Variants in ARFGEF3 observed in about 807,000 individuals in gnomAD.
ARFGEF3 encodes the protein ARFGEF family member 3, also known as brefeldin A-inhibited guanine nucleotide-exchange protein 3.
In ARFGEF3, 96 loss-of-function variants were observed where a neutral mutation model predicts 221.7. The observed-to-expected ratio is 0.43, with a 90% CI of 0.37 to 0.51. ARFGEF3 has a LOEUF of 0.51. Ranked by LOEUF, ARFGEF3 falls within the 20% of genes least tolerant of loss-of-function variation. The pLI is 0.00. For missense variants in ARFGEF3, 2,410 were observed against 2,789.9 expected, an observed-to-expected ratio of 0.86 and a Z score of 3.07; for synonymous variants, 1,145 against 1,126.8, an observed-to-expected ratio of 1.02 and a Z score of -0.32.
intron 4 of ARFGEF3, among the ~76,000 whole-genome samples, chr6:138,223,602 A>G (rs1250171339): frequency 1.3e-5 from 2 of 152,214 alleles, no homozygotes; most frequent in Admixed American, 1.3e-4. Flanking sequence ...CAGTTTAAGA[A>G]AAAGGAAAAA....
intron 22 of ARFGEF3, among the ~76,000 whole-genome samples, chr6:138,304,917 A>C (rs1334448395): frequency 6.6e-6 from 1 of 152,232 alleles, no homozygotes; most frequent in Admixed American, 6.5e-5. Flanking sequence ...TGGATTGGTT[A>C]GACCAATAAT....
chr6:138,324,214 C>T, intron 31 of ARFGEF3, 60 bp downstream of exon 31: 1 of 1,570,360 alleles, frequency 6.4e-7, no homozygotes, highest in Admixed American at 1.8e-5. Context: ...TGTTGGGAGA[C>T]CTTCCTTGAA....
chr6:138,163,441 C>A (rs571181482), intron 1 of ARFGEF3, among the ~76,000 whole-genome samples: 12 of 152,128 alleles, frequency 7.9e-5, no homozygotes, highest in Non-Finnish European at 1.8e-4. Context: ...CATTCAGCAG[C>A]GTGATTCGAA....
intron 23 of ARFGEF3, among the ~76,000 whole-genome samples, chr6:138,308,128 A>G (rs1359413195): frequency 6.6e-6 from 1 of 152,178 alleles, no homozygotes; most frequent in Non-Finnish European, 1.5e-5. Context: ...GGCCACTTAC[A>G]TACCCTTTGC....
intron 31 of ARFGEF3, 61 bp downstream of exon 31, chr6:138,324,215 C>T: frequency 6.4e-7 from 1 of 1,569,766 alleles, no homozygotes; most frequent in Non-Finnish European, 8.7e-7. Context: ...GTTGGGAGAC[C>T]TTCCTTGAAG....
At chr6:138,267,630 CTT>C (rs1475867885) in intron 12 of ARFGEF3, among the ~76,000 whole-genome samples, 4 of 152,076 alleles carry the variant, frequency 2.6e-5, no homozygotes, top group Admixed American at 2.6e-4. Context: ...CTAGCAAAGT[CTT>C]TTTAAAATTT....
chr6:138,202,949 C>A (rs535957402), intron 2 of ARFGEF3, among the ~76,000 whole-genome samples: 1 of 152,088 alleles, frequency 6.6e-6, no homozygotes, highest in Admixed American at 6.6e-5. Context: ...AGTGTAGCAT[C>A]TCTTCAAAGG....
At chr6:138,250,701 C>T (rs1778565502) in intron 8 of ARFGEF3, among the ~76,000 whole-genome samples, 1 of 152,254 alleles carries the variant, frequency 6.6e-6, no homozygotes, top group Non-Finnish European at 1.5e-5. Flanking sequence ...GCCTGCGGGT[C>T]CACGCCTGAG....
intron 7 of ARFGEF3, among the ~76,000 whole-genome samples, 170 bp from the exon 8 acceptor site, chr6:138,245,343 T>C (rs1778465735): frequency 6.6e-6 from 1 of 152,112 alleles, no homozygotes; most frequent in African/African-American, 2.4e-5. Context: ...CACACTTAAT[T>C]CTTATCATTT....
chr6:138,287,887 T>G (rs1361226831), intron 17 of ARFGEF3, among the ~76,000 whole-genome samples: 1 of 152,164 alleles, frequency 6.6e-6, no homozygotes, highest in Non-Finnish European at 1.5e-5. Context: ...AGGTCCGTGT[T>G]TCTCAGACTT....
At chr6:138,314,603 C>T (rs914048391) in intron 26 of ARFGEF3, among the ~76,000 whole-genome samples, 1 of 152,180 alleles carries the variant, frequency 6.6e-6, no homozygotes, top group Non-Finnish European at 1.5e-5. Flanking sequence ...AGCTGTGGGC[C>T]TGTGAAATTA....
chr6:138,279,380 C>A (rs547540254), intron 13 of ARFGEF3, among the ~76,000 whole-genome samples: 16 of 152,264 alleles, frequency 1.1e-4, no homozygotes, highest in African/African-American at 3.6e-4. Context: ...CTACTGTTGA[C>A]CCAGAACTAA....
rs1035279579 is a variant in ARFGEF3, at chr6:138,293,698, G to A, written c.3369-295G>A. 1.1e-4 allele frequency among the ~76,000 whole-genome samples: 16 copies of A among 152,120 alleles called. No homozygotes were observed. In the East Asian group the frequency reaches 2.9e-3, roughly 27 times the overall value. ...CAGTTACTCAGTTTCTGGGAACAAC[G>A]CCTTGCCATCTTTCAGCTTCTTGCC... On this transcript the variant is annotated intron_variant, in intron 19 of 33. Coordinates refer to ENST00000251691, the MANE Select transcript of ARFGEF3 (RefSeq NM_020340.5).
rs753817317 is a variant in ARFGEF3, at chr6:138,278,425, A to T, written c.2129-26A>T. ...TGCCAAGCACACTGTTCACACCCCC[A>T]AAAGTCCCTTCATTGTCTCCCTTAG... On this transcript the variant is annotated intron_variant, in intron 12 of 33. Coordinates refer to ENST00000251691, the MANE Select transcript of ARFGEF3 (RefSeq NM_020340.5). 4 of 1,609,924 alleles carry T rather than the reference A, an allele frequency of 2.5e-6. No homozygotes were observed. The East Asian group carries it at 8.9e-5, about 36-fold the overall frequency.
intron 12 of ARFGEF3, among the ~76,000 whole-genome samples, chr6:138,275,314 GGTGGTTTTGTGGGA>G (rs1288102542): frequency 4.6e-4 from 70 of 152,088 alleles, no homozygotes; most frequent in African/African-American, 1.7e-3. Flanking sequence ...AATAATATAA[GGTGGTTTTGTGGGA>G]ATAATATATA....
At chr6:138,323,580 C>A in intron 29 of ARFGEF3, 91 bp from the exon 30 acceptor site, 1 of 1,177,718 alleles carries the variant, frequency 8.5e-7, no homozygotes, top group Non-Finnish European at 1.2e-6. Context: ...CAGTGCACTC[C>A]AGGCTGGGCA....
At chr6:138,213,530 C>T (rs1734063303) in intron 4 of ARFGEF3, among the ~76,000 whole-genome samples, 1 of 151,320 alleles carries the variant, frequency 6.6e-6, no homozygotes, top group South Asian at 2.1e-4. Flanking sequence ...TCCAACTTAA[C>T]TATAACTGTG....
intron 32 of ARFGEF3, among the ~76,000 whole-genome samples, chr6:138,333,678 G>A (rs1210627272): frequency 4.6e-5 from 7 of 152,042 alleles, no homozygotes; most frequent in African/African-American, 1.4e-4. Flanking sequence ...TCCTGACCTC[G>A]TGATCCGCCC....
intron 5 of ARFGEF3, among the ~76,000 whole-genome samples, chr6:138,235,395 G>A (rs1778267143): frequency 6.6e-6 from 1 of 152,158 alleles, no homozygotes; most frequent in African/African-American, 2.4e-5. Flanking sequence ...TTGGCCCTTT[G>A]AGCCTCTGGC....
Sources: allele counts gnomAD v4.1 joint callset (sites outside exome capture counted in the v4.1 genomes callset), GRCh38; gene constraint gnomAD v4.1.1; transcripts MANE v1.5; gene names NCBI Gene and HGNC (gene_info 2026-07-23, HGNC 2026-07-21).